Variants in SLC39A11 observed in about 807,000 individuals in gnomAD.
The protein encoded by SLC39A11 is solute carrier family 39 member 11, also known as zinc transporter ZIP11.
In SLC39A11, 33 loss-of-function variants were observed where a neutral mutation model predicts 36.1. That is an observed-to-expected ratio of 0.91 (90% CI 0.69 to 1.22). The LOEUF is 1.22. SLC39A11 is among the 50% of genes most tolerant of loss of function. The probability of loss-of-function intolerance (pLI) is 0.00; values close to 1 mark genes in which losing one functional copy is unlikely to be tolerated. For synonymous variants in SLC39A11, 166 were observed against 170.3 expected (o/e 0.97, Z 0.20); for missense variants, 432 against 430.3 (o/e 1.00, Z -0.03).
chr17:72,973,058 G>A (rs1039655884), intron 4 of SLC39A11, among the ~76,000 whole-genome samples: 3 of 151,182 alleles, frequency 2.0e-5, no homozygotes, highest in Non-Finnish European at 4.4e-5. Flanking sequence ...TGCACACCAC[G>A]AAGCCCACCA....
intron 6 of SLC39A11, among the ~76,000 whole-genome samples, chr17:72,772,822 G>A (rs2435978): frequency 0.31 from 47,350 of 151,916 alleles, 8,719 homozygotes; most frequent in African/African-American, 0.51. Context: ...AGTGGCTCAC[G>A]CCTGTAATCC....
intron 3 of SLC39A11, among the ~76,000 whole-genome samples, chr17:73,072,791 G>A (rs754478999): frequency 9.9e-5 from 15 of 152,192 alleles, no homozygotes; most frequent in Non-Finnish European, 1.5e-4. Context: ...ATATGTTCAC[G>A]GTCTCCTGTC....
chr17:72,704,893 A>G (rs2072823123), intron 7 of SLC39A11, among the ~76,000 whole-genome samples: 1 of 152,202 alleles, frequency 6.6e-6, no homozygotes, highest in African/African-American at 2.4e-5. Context: ...CAAGGGAGCT[A>G]TTGAGAGGAG....
chr17:72,925,790 A>C (rs1304086033), intron 5 of SLC39A11, among the ~76,000 whole-genome samples: 1 of 152,148 alleles, frequency 6.6e-6, no homozygotes, highest in Non-Finnish European at 1.5e-5. Flanking sequence ...CTTCCCCTCC[A>C]CCATGACATT....
chr17:72,909,406 C>G (rs1048838494), intron 5 of SLC39A11, among the ~76,000 whole-genome samples: 1 of 152,234 alleles, frequency 6.6e-6, no homozygotes, highest in Non-Finnish European at 1.5e-5. Flanking sequence ...ATTTTCCAAG[C>G]TCACTTGACC....
intron 5 of SLC39A11, among the ~76,000 whole-genome samples, chr17:72,873,009 G>A (rs759971618): frequency 6.1e-5 from 9 of 148,188 alleles, no homozygotes; most frequent in Admixed American, 2.0e-4. Flanking sequence ...AGCCGAGATC[G>A]CGCCACTGCA....
rs370618226 is a variant in SLC39A11, at chr17:72,662,288, G to A, written c.672-13020C>T. ...TTTTTTTAGAAAGAAAAGAAAGGAAGAAAGAAAAGAGGAAAGGAAGAAAGA... is the reference window on the plus strand; with the variant it reads ...TTTTTTTAGAAAGAAAAGAAAGGAAAAAAGAAAAGAGGAAAGGAAGAAAGA... On this transcript the variant is annotated intron_variant, in intron 7 of 9. Coordinates refer to ENST00000255559, the MANE Select transcript of SLC39A11 (RefSeq NM_139177.4). Among the ~76,000 whole-genome samples the A allele has an allele frequency of 1.2e-4, 18 of 144,494 alleles. No individual in the cohort carries two copies. In the East Asian group the frequency reaches 2.8e-3, roughly 22 times the overall value. The allele number at this position is 144,494 out of a possible 152,430, so 94.8% of individuals were successfully genotyped here.
chr17:72,936,090 T>G (rs956834198), intron 5 of SLC39A11, among the ~76,000 whole-genome samples: 25 of 151,886 alleles, frequency 1.6e-4, no homozygotes, highest in Admixed American at 5.2e-4. Flanking sequence ...CCCAGCTACA[T>G]AGGAAACTGA....
intron 3 of SLC39A11, among the ~76,000 whole-genome samples, chr17:73,053,222 T>C (rs1317717593): frequency 6.8e-6 from 1 of 147,218 alleles, no homozygotes; most frequent in Admixed American, 7.0e-5. Flanking sequence ...TTATGTATGG[T>C]ATGAGCCCAT....
At chr17:72,933,195 A>G (rs978033216) in intron 5 of SLC39A11, among the ~76,000 whole-genome samples, 2 of 152,194 alleles carry the variant, frequency 1.3e-5, no homozygotes, top group Non-Finnish European at 2.9e-5. Context: ...TCTACCAAAA[A>G]ATTCTTAGAA....
intron 4 of SLC39A11, among the ~76,000 whole-genome samples, chr17:72,978,506 G>C (rs947118521): frequency 2.0e-5 from 3 of 152,210 alleles, no homozygotes; most frequent in Admixed American, 2.0e-4. Flanking sequence ...GGAGGAGCTT[G>C]GGAGGAGACA....
chr17:72,770,376 T>G (rs1043634457), intron 6 of SLC39A11, among the ~76,000 whole-genome samples: 2 of 152,208 alleles, frequency 1.3e-5, no homozygotes, highest in Admixed American at 1.3e-4. Context: ...ATAAAAAAGT[T>G]CGGGAGCCAG....
chr17:72,778,617 G>T (rs1392841453), intron 6 of SLC39A11, among the ~76,000 whole-genome samples: 1 of 152,224 alleles, frequency 6.6e-6, no homozygotes, highest in Non-Finnish European at 1.5e-5. Context: ...TCTTGAGCTA[G>T]GAGGGGATGT....
At chr17:72,733,962 T>G (rs1335795224) in intron 7 of SLC39A11, among the ~76,000 whole-genome samples, 1 of 152,136 alleles carries the variant, frequency 6.6e-6, no homozygotes, top group Non-Finnish European at 1.5e-5. Context: ...CTTGACCTCC[T>G]TGTGTCAACA....
chr17:72,754,045 TACACATAC>T lies in SLC39A11; in HGVS notation c.602-17334_602-17327del, dbSNP rs1302246293. 1.5e-3 allele frequency among the ~76,000 whole-genome samples: 81 copies of T among 53,282 alleles called. 3 individuals carry two copies. The highest frequency in any genetic ancestry group is 4.7e-3 in the African/African-American group (78 of 16,516). 35.0% of individuals were successfully genotyped at this position (53,282 alleles called of 152,430 possible). A position where few individuals can be genotyped will look rare whatever the true frequency, so the allele number is the denominator to read the frequency against. ...GTATATATATATATATATATATATA[TACACATAC>T]ACACACACACACACACACACACACA... On this transcript the variant is annotated intron_variant, in intron 6 of 9. Coordinates refer to ENST00000255559, the MANE Select transcript of SLC39A11 (RefSeq NM_139177.4).
intron 3 of SLC39A11, among the ~76,000 whole-genome samples, chr17:73,058,836 C>T (rs530223883): frequency 1.5e-4 from 23 of 152,110 alleles, no homozygotes; most frequent in African/African-American, 5.5e-4. Flanking sequence ...TGTGTTTTGC[C>T]TTCAACTCAA....
chr17:72,780,502 T>C (rs1301797137), intron 6 of SLC39A11, among the ~76,000 whole-genome samples: 1 of 81,482 alleles, frequency 1.2e-5, no homozygotes, highest in African/African-American at 4.4e-5. Flanking sequence ...CACCGCACAG[T>C]GCTAAGGGCC....
Position 72,900,192 on chromosome 17 carries a change from A to AGAAGGAAGGAAGGAAG in SLC39A11, c.430+47559_430+47560insCTTCCTTCCTTCCTTC, listed in dbSNP as rs1567912864. 1.1e-4 allele frequency among the ~76,000 whole-genome samples: 15 copies of AGAAGGAAGGAAGGAAG among 137,120 alleles called. 2 individuals carry two copies. The highest frequency in any genetic ancestry group is 4.1e-4 in the African/African-American group (12 of 29,508). 90.0% of individuals were successfully genotyped at this position (137,120 alleles called of 152,430 possible). ...AAGAAAGAAAGAAAGAAAGAAAGAA[A>AGAAGGAAGGAAGGAAG]GAAAGAAAGAAAGAAAGAAAGAAAG... On this transcript the variant is annotated intron_variant, in intron 5 of 9. Coordinates refer to ENST00000255559, the MANE Select transcript of SLC39A11 (RefSeq NM_139177.4).
chr17:72,882,798 T>TTTTTTTTTTTTTTTTC (rs2081262624), intron 5 of SLC39A11, among the ~76,000 whole-genome samples: 3 of 125,670 alleles, frequency 2.4e-5, no homozygotes, highest in East Asian at 2.2e-4. Flanking sequence ...AGAATGCTTC[T>TTTTTTTTTTTTTTTTC]TTTTTTTTTT....
Sources: gnomAD v4.1 joint callset for allele counts (sites outside exome capture counted in the v4.1 genomes callset) on GRCh38, gnomAD v4.1.1 for gene constraint, MANE v1.5 for transcripts, NCBI Gene and HGNC (gene_info 2026-07-23, HGNC 2026-07-21) for gene names.